The following DIS3L2 variants were observed in gnomAD, a reference collection of about 807,000 sequenced individuals.
DIS3L2 encodes the protein DIS3-like exonuclease 2.
Under a neutral mutation model 97.5 loss-of-function variants are expected in DIS3L2, and 34 were observed. That is an observed-to-expected ratio of 0.35 (90% CI 0.27 to 0.46). DIS3L2 has a LOEUF of 0.46. Among genes scored for constraint, DIS3L2 ranks in the 20% least tolerant of loss-of-function variants. The pLI, the probability that DIS3L2 is intolerant of heterozygous loss-of-function variation, is 1.00. For missense variants in DIS3L2, 1,038 were observed against 1,146.0 expected (o/e 0.91, Z 1.36); for synonymous variants, 435 against 445.2 (o/e 0.98, Z 0.29).
rs148093408 is a variant in DIS3L2 at position 232,124,137 on chromosome 2, A to G, written c.602-6482A>G. Among the ~76,000 whole-genome samples the G allele has an allele frequency of 3.2e-3, 484 of 152,360 alleles. 12 individuals are homozygous for G. Among genetic ancestry groups the G allele is most frequent in the Middle Eastern group, 0.02 (6 of 294 alleles). ...CAGCTCTTCAAAAACATCATCAGGT[A>G]CTAGAATCATCACAGTCTAAAAAAT... On this transcript the variant is annotated intron_variant, in intron 6 of 20. Coordinates refer to ENST00000325385, the MANE Select transcript of DIS3L2 (RefSeq NM_152383.5).
At chr2:232,114,048 G>T (rs1415760781) in intron 6 of DIS3L2, among the ~76,000 whole-genome samples, 1 of 152,150 alleles carries the variant, frequency 6.6e-6, no homozygotes, top group African/African-American at 2.4e-5. Flanking sequence ...AACTGACTCA[G>T]GGCAAGAGGA....
intron 6 of DIS3L2, among the ~76,000 whole-genome samples, chr2:232,126,698 A>T (rs1160230837): frequency 6.6e-6 from 1 of 152,210 alleles, no homozygotes; most frequent in African/African-American, 2.4e-5. Flanking sequence ...ATGCCCAGCT[A>T]AAAATTGGAG....
At chr2:232,288,801 A>G (rs1350780118) in intron 13 of DIS3L2, among the ~76,000 whole-genome samples, 2 of 152,100 alleles carry the variant, frequency 1.3e-5, no homozygotes, top group African/African-American at 4.8e-5. Flanking sequence ...TGGATCTCAT[A>G]TTTTTATGTA....
intron 1 of DIS3L2, among the ~76,000 whole-genome samples, chr2:231,995,367 G>A (rs3116162): frequency 0.94 from 142,730 of 152,240 alleles, 66,999 homozygotes; most frequent in East Asian, 1. Flanking sequence ...ACCCTATTGT[G>A]TGAATACAAT....
At chr2:232,116,219 TAAAAC>T (rs1340615216) in intron 6 of DIS3L2, among the ~76,000 whole-genome samples, 3 of 150,200 alleles carry the variant, frequency 2.0e-5, no homozygotes, top group Non-Finnish European at 4.4e-5. Flanking sequence ...AATAAATAAA[TAAAAC>T]AGATGAATAC....
chr2:232,290,933 A>G (rs1158684854), intron 13 of DIS3L2, among the ~76,000 whole-genome samples: 2 of 152,232 alleles, frequency 1.3e-5, no homozygotes, highest in Non-Finnish European at 2.9e-5. Flanking sequence ...AGAAATCTCC[A>G]TGATTACGTT....
downstream of DIS3L2, among the ~76,000 whole-genome samples, chr2:232,342,152 C>T (rs1428211050): frequency 1.3e-5 from 2 of 151,328 alleles, no homozygotes; most frequent in Admixed American, 1.3e-4. Context: ...CATATATACA[C>T]ATATACATAT....
intron 15 of DIS3L2, among the ~76,000 whole-genome samples, 185 bp downstream of exon 15, chr2:232,330,181 G>A (rs1416090620): frequency 2.0e-5 from 3 of 152,204 alleles, no homozygotes; most frequent in African/African-American, 7.2e-5. Flanking sequence ...CCTGACAGTG[G>A]GACCTGCCCC....
chr2:232,210,404 C>T lies in DIS3L2; in HGVS notation c.1203C>T (p.Asp401=), dbSNP rs370165461. The T allele has an allele frequency of 1.1e-4, 179 of 1,612,784 alleles. No individual in the cohort carries two copies. Among genetic ancestry groups the T allele is most frequent in the South Asian group, 1.3e-4 (12 of 91,070 alleles). The change falls in exon 10 of 21, where the codon GAC becomes GAT. Residue 401 remains aspartate (D), a splice_region_variant and synonymous_variant. Transcript: ENST00000325385. ...CCCTCTCCTGCAAGCCACTCGCTGA[C>T]GGTAGGATGGAAATTTCTATAGCAT... ...DDALSCKPLA[D]GNFKVGVHIA...
intron 9 of DIS3L2, among the ~76,000 whole-genome samples, chr2:232,176,856 C>T (rs1245549009): frequency 6.7e-6 from 1 of 148,916 alleles, no homozygotes; most frequent in Non-Finnish European, 1.5e-5. Context: ...GCACATTGTG[C>T]AGGTTAGTTA....
intron 20 of DIS3L2, 131 bp downstream of exon 20, chr2:232,336,005 G>A: frequency 6.6e-7 from 1 of 1,524,956 alleles, no homozygotes. Flanking sequence ...TGGGGTTTTA[G>A]GGCCCTCCCA....
intron 6 of DIS3L2, 59 bp from the exon 7 acceptor site, chr2:232,130,560 C>T: frequency 1.3e-6 from 2 of 1,541,834 alleles, no homozygotes; most frequent in Non-Finnish European, 1.7e-6. Flanking sequence ...TTTAAAATCC[C>T]ACTAATTGAT....
chr2:232,190,996 G>T (rs1691605633), intron 9 of DIS3L2, among the ~76,000 whole-genome samples: 1 of 152,234 alleles, frequency 6.6e-6, no homozygotes, highest in African/African-American at 2.4e-5. Flanking sequence ...AGAAGTCACT[G>T]TGTTTAGCCA....
chr2:232,015,105 T>A, intron 2 of DIS3L2, 126 bp downstream of exon 2: 1 of 875,170 alleles, frequency 1.1e-6, no homozygotes, highest in Non-Finnish European at 1.7e-6. Flanking sequence ...ACCTGTTAAG[T>A]ATTCTGTGTG....
At chr2:232,322,318 G>A (rs1239546750) in intron 14 of DIS3L2, among the ~76,000 whole-genome samples, 1 of 152,242 alleles carries the variant, frequency 6.6e-6, no homozygotes, top group Non-Finnish European at 1.5e-5. Context: ...CCAGGCATGA[G>A]AACTCTGACT....
chr2:232,239,487 T>C (rs898730550), intron 11 of DIS3L2, among the ~76,000 whole-genome samples: 1 of 152,252 alleles, frequency 6.6e-6, no homozygotes, highest in African/African-American at 2.4e-5. Flanking sequence ...GATCCTCTGC[T>C]CATTTGCTCA....
At chr2:232,007,437 G>A (rs773357562) in intron 1 of DIS3L2, among the ~76,000 whole-genome samples, 1 of 152,188 alleles carries the variant, frequency 6.6e-6, no homozygotes, top group Non-Finnish European at 1.5e-5. Flanking sequence ...TCAGGCTCAA[G>A]TGTTTGTCCT....
chr2:232,015,378 G>A, intron 2 of DIS3L2, 136 bp from the exon 3 acceptor site: 1 of 1,188,068 alleles, frequency 8.4e-7, no homozygotes, highest in South Asian at 1.7e-5. Flanking sequence ...TTTTGTTATT[G>A]TTAAAAATCA....
intron 13 of DIS3L2, among the ~76,000 whole-genome samples, chr2:232,279,226 C>CA (rs113297409): frequency 0.1 from 15,573 of 152,280 alleles, 1,718 homozygotes; most frequent in African/African-American, 0.28. Flanking sequence ...CGTGAGCCAC[C>CA]ATGGCCAGCT....
Sources: allele counts gnomAD v4.1 joint callset (sites outside exome capture counted in the v4.1 genomes callset), GRCh38; gene constraint gnomAD v4.1.1; transcripts MANE v1.5; gene names NCBI Gene and HGNC (gene_info 2026-07-23, HGNC 2026-07-21).